Variants in TUBA1C observed in about 807,000 individuals in gnomAD.
The protein encoded by TUBA1C is tubulin alpha 1c.
A neutral mutation model predicts 34.9 loss-of-function variants in TUBA1C; 16 were observed. The ratio of observed to expected loss-of-function variants is 0.46; its 90% CI spans 0.31 to 0.70. TUBA1C has a LOEUF of 0.70. TUBA1C is among the 30% of genes least tolerant of loss of function. The probability of loss-of-function intolerance (pLI) is 0.05; values close to 1 mark genes in which losing one functional copy is unlikely to be tolerated. For synonymous variants in TUBA1C, 177 were observed against 215.9 expected (o/e 0.82, Z 1.58); for missense variants, 329 against 587.3 (o/e 0.56, Z 4.55).
At chr12:49,262,527 C>G (rs1004872883), upstream of TUBA1C, among the ~76,000 whole-genome samples, 1 of 149,794 alleles carries the variant, frequency 6.7e-6, no homozygotes, top group Non-Finnish European at 1.5e-5. Context: ...TGCCTGTAAT[C>G]GCAGCATTTT....
intron 1 of TUBA1C, among the ~76,000 whole-genome samples, chr12:49,259,405 T>C (rs1942820964): frequency 6.6e-6 from 1 of 152,116 alleles, no homozygotes; most frequent in African/African-American, 2.4e-5. Context: ...GTATTTTTAA[T>C]AGAGTTGGGT....
intron 1 of TUBA1C, among the ~76,000 whole-genome samples, chr12:49,235,655 C>G (rs1236945255): frequency 1.3e-5 from 2 of 151,292 alleles, no homozygotes; most frequent in East Asian, 3.9e-4. Flanking sequence ...TTGCTTGAAC[C>G]TGGCAGGCGA....
At chr12:49,270,638 T>A (rs1168663645) in intron 3 of TUBA1C, among the ~76,000 whole-genome samples, 1 of 152,228 alleles carries the variant, frequency 6.6e-6, no homozygotes, top group African/African-American at 2.4e-5. Flanking sequence ...CTTTCTCAGA[T>A]GTTTACGTAG....
intron 1 of TUBA1C, among the ~76,000 whole-genome samples, chr12:49,251,570 T>G (rs1414577816): frequency 6.6e-6 from 1 of 152,034 alleles, no homozygotes; most frequent in Non-Finnish European, 1.5e-5. Flanking sequence ...AGGTCAGCAG[T>G]TCAAGACTAG....
intron 1 of TUBA1C, 75 bp from the exon 2 acceptor site, chr12:49,269,390 C>T: frequency 6.3e-7 from 1 of 1,599,130 alleles, no homozygotes; most frequent in East Asian, 2.2e-5. Flanking sequence ...GTTAATCAGT[C>T]ATTAGGTGTG....
Position 49,273,175 on chromosome 12 carries a change from A to G in TUBA1C, c.1298A>G (p.Glu433Gly). 6.2e-7 allele frequency: 1 copy of G among 1,614,218 alleles called. No homozygotes were observed. The change falls in exon 4 of 4, where the codon GAG (glutamate) becomes GGG (glycine). Residue 433 changes from glutamate (E) to glycine (G), a missense_variant. By Grantham distance (98) the Glu-to-Gly change is moderately conservative. This residue lies in a region of TUBA1C where 34 missense variants were observed against 31.8 expected (regional missense o/e 1.07). Transcript: ENST00000301072. ...ATGGCTGCCCTTGAGAAGGATTATG[A>G]GGAGGTTGGAGCAGATAGTGCTGAC... ...EDMAALEKDY[E>G]EVGADSADGE...
At chr12:49,254,533 A>T (rs1477536338) in intron 1 of TUBA1C, among the ~76,000 whole-genome samples, 2 of 148,740 alleles carry the variant, frequency 1.3e-5, no homozygotes, top group Non-Finnish European at 3.0e-5. Context: ...TCAAATGAGG[A>T]TATATATAGG....
At position 49,268,822 on chromosome 12, in the gene TUBA1C, C is replaced by T. The variant is rs941096346; in HGVS notation, c.4-643C>T. Among the ~76,000 whole-genome samples, 5 of 152,018 alleles carry T rather than the reference C, an allele frequency of 3.3e-5. No individual in the cohort carries two copies. In the East Asian group the frequency reaches 5.8e-4, roughly 18 times the overall value. On this transcript the variant is annotated intron_variant, in intron 1 of 3. Coordinates refer to ENST00000301072, the MANE Select transcript of TUBA1C (RefSeq NM_032704.5). The stretch of plus-strand genomic sequence containing the variant: ...TGTCTCCTAAAGAATAGGATTAAAG[C>T]GGGACCAGAATGAGCTCAGTAGTTA...
chr12:49,244,834 C>T (rs969414043), intron 1 of TUBA1C, among the ~76,000 whole-genome samples: 3 of 152,158 alleles, frequency 2.0e-5, no homozygotes, highest in Non-Finnish European at 4.4e-5. Flanking sequence ...GGAGCTCAGA[C>T]CTCCTGACAA....
At chr12:49,239,843 TAG>T (rs918856935) in intron 1 of TUBA1C, among the ~76,000 whole-genome samples, 1 of 151,974 alleles carries the variant, frequency 6.6e-6, no homozygotes, top group African/African-American at 2.4e-5. Context: ...TGGCATTAAG[TAG>T]AGAGTCTAGC....
intron 1 of TUBA1C, 134 bp downstream of exon 1, chr12:49,265,318 T>C: frequency 1.6e-6 from 1 of 606,326 alleles, no homozygotes; most frequent in Non-Finnish European, 2.6e-6. Context: ...TTAACCTGGC[T>C]TGTGGCGGCC....
chr12:49,227,999 T>C (rs1942457825), exon 1 of TUBA1C: 1 of 1,535,524 alleles, frequency 6.5e-7, no homozygotes, highest in Admixed American at 2.0e-5. Flanking sequence ...GAGGGATGAG[T>C]GCTTTGTGTG....
intron 1 of TUBA1C, among the ~76,000 whole-genome samples, chr12:49,253,988 G>C (rs1942756194): frequency 6.6e-6 from 1 of 152,102 alleles, no homozygotes; most frequent in African/African-American, 2.4e-5. Flanking sequence ...CAGGGACGGG[G>C]AGCCCTACAG....
intron 1 of TUBA1C, among the ~76,000 whole-genome samples, chr12:49,243,566 T>G (rs528567868): frequency 5.9e-4 from 90 of 152,318 alleles, no homozygotes; most frequent in African/African-American, 2.1e-3. Context: ...ATAGCATAGT[T>G]CAGGATGGCT....
In TUBA1C at chr12:49,272,369, G is replaced by T. The variant is rs199599214; in HGVS notation, c.492G>T (p.Lys164Asn). 1.2e-6 allele frequency: 2 copies of T among 1,614,032 alleles called. No homozygotes were observed. Among genetic ancestry groups the T allele is most frequent in the Admixed American group, 3.3e-5 (2 of 60,000 alleles). ...MERLSVDYGK[K>N]SKLEFSIYPA... ...GTCTCTCAGTTGATTATGGCAAGAA[G>T]TCCAAGCTGGAGTTCTCCATTTACC... The change falls in exon 4 of 4, where the codon AAG (lysine) becomes AAT (asparagine). Residue 164 changes from lysine (K) to asparagine (N), a missense_variant. Lys to Asn is a moderately conservative substitution (Grantham distance 94). This residue lies in a region of TUBA1C where 152 missense variants were observed against 240.3 expected (regional missense o/e 0.63). Coordinates refer to ENST00000301072, the MANE Select transcript of TUBA1C (RefSeq NM_032704.5).
chr12:49,268,501 C>T (rs932285416), intron 1 of TUBA1C, among the ~76,000 whole-genome samples: 2 of 152,054 alleles, frequency 1.3e-5, no homozygotes, highest in South Asian at 4.1e-4. Context: ...CCTTGGCCTC[C>T]CAAAGTGCTG....
chr12:49,237,249 A>G (rs572075087), intron 1 of TUBA1C, among the ~76,000 whole-genome samples: 2 of 150,332 alleles, frequency 1.3e-5, no homozygotes, highest in Non-Finnish European at 3.0e-5. Context: ...GAGAAACCCC[A>G]TCTCTACTAA....
intron 1 of TUBA1C, among the ~76,000 whole-genome samples, chr12:49,259,447 G>A (rs1001074134): frequency 2.0e-5 from 3 of 151,626 alleles, no homozygotes; most frequent in Non-Finnish European, 2.9e-5. Flanking sequence ...GGTCTCAAAC[G>A]CCTGACCTCA....
intron 1 of TUBA1C, among the ~76,000 whole-genome samples, chr12:49,251,363 T>A (rs185985818): frequency 6.6e-6 from 1 of 152,302 alleles, no homozygotes; most frequent in East Asian, 1.9e-4. Flanking sequence ...ATTTATTCTA[T>A]AAATTCAATA....
Sources: gnomAD v4.1 joint callset for allele counts (sites outside exome capture counted in the v4.1 genomes callset) on GRCh38, gnomAD v4.1.1 for gene constraint, gnomAD v4.1.1 regional missense constraint, MANE v1.5 for transcripts, NCBI Gene and HGNC (gene_info 2026-07-23, HGNC 2026-07-21) for gene names.